Variants in CUBN observed in about 807,000 individuals in gnomAD.
CUBN encodes the protein cubilin.
A neutral mutation model predicts 405.3 loss-of-function variants in CUBN; 282 were observed. The ratio of observed to expected loss-of-function variants is 0.70; its 90% CI spans 0.63 to 0.77. The LOEUF (loss-of-function observed/expected upper bound fraction) is 0.77, where lower values mean the gene tolerates loss of function less well. Among genes scored for constraint, CUBN ranks in the 30% least tolerant of loss-of-function variants. The pLI, the probability that CUBN is intolerant of heterozygous loss-of-function variation, is 0.00. For missense variants in CUBN, 4,514 were observed against 4,475.2 expected, an observed-to-expected ratio of 1.01 and a Z score of -0.25; for synonymous variants, 1,684 against 1,617.0, an observed-to-expected ratio of 1.04 and a Z score of -0.99.
intron 27 of CUBN, among the ~76,000 whole-genome samples, chr10:17,025,331 T>C (rs1045741369): frequency 6.6e-6 from 1 of 152,206 alleles, no homozygotes; most frequent in African/African-American, 2.4e-5. Context: ...GCAATTTTAT[T>C]GTAGAATGTA....
chr10:17,100,591 T>C (rs1267179370), intron 13 of CUBN, among the ~76,000 whole-genome samples: 1 of 152,202 alleles, frequency 6.6e-6, no homozygotes, highest in Non-Finnish European at 1.5e-5. Flanking sequence ...AAAATCTACC[T>C]GAATTAAGTT....
chr10:16,920,067 A>G lies in CUBN; in HGVS notation c.6717T>C (p.His2239=), dbSNP rs373318259. ...AGYVTSPNHP[H]NYPPHADCIW... ...TGCAATCAGCGTGCGGGGGATAATT[A>G]TGAGGGTGGTTGGGGGAGGTCACAT... The change falls in exon 44 of 67, where the codon CAT becomes CAC. Residue 2239 remains histidine (H), a synonymous_variant. Coordinates refer to ENST00000377833, the MANE Select transcript of CUBN (RefSeq NM_001081.4). 6.2e-7 allele frequency: 1 copy of G among 1,613,938 alleles called. No individual in the cohort carries two copies. Among genetic ancestry groups the G allele is most frequent in the Non-Finnish European group, 8.5e-7 (1 of 1,179,978 alleles).
At chr10:16,865,547 G>A (rs1165959603) in intron 59 of CUBN, among the ~76,000 whole-genome samples, 1 of 152,054 alleles carries the variant, frequency 6.6e-6, no homozygotes, top group African/African-American at 2.4e-5. Context: ...GTGGGGACTT[G>A]GAGAACTTTT....
chr10:16,985,568 T>A (rs1833393506), intron 29 of CUBN, among the ~76,000 whole-genome samples: 1 of 152,106 alleles, frequency 6.6e-6, no homozygotes, highest in African/African-American at 2.4e-5. Flanking sequence ...GAGCCCTCTG[T>A]GGATGGCAGA....
rs1834549862 is a variant in CUBN, at chr10:17,023,223, G to GT, written c.4018-3241dup. 2.6e-5 allele frequency among the ~76,000 whole-genome samples: 4 copies of GT among 151,234 alleles called. No individual in the cohort carries two copies. The South Asian group carries it at 8.4e-4, about 32-fold the overall frequency. The stretch of plus-strand genomic sequence containing the variant: ...TGGGGGTGGAGGGGCTAGGCAGTAG[G>GT]TTTGGGGGGCAACACTGATGAATGA... On this transcript the variant is annotated intron_variant, in intron 27 of 66. Coordinates refer to ENST00000377833, the MANE Select transcript of CUBN (RefSeq NM_001081.4).
intron 59 of CUBN, among the ~76,000 whole-genome samples, chr10:16,858,434 C>A (rs1169124774): frequency 6.6e-6 from 1 of 152,142 alleles, no homozygotes; most frequent in Admixed American, 6.5e-5. Context: ...GATCCTCCTA[C>A]CTCAGCCTCC....
Position 16,891,122 on chromosome 10 carries a change from C to G in CUBN, c.8599-595G>C, listed in dbSNP as rs77682438. 2.5e-3 allele frequency among the ~76,000 whole-genome samples: 382 copies of G among 152,240 alleles called. 2 individuals carry two copies. The highest frequency in any genetic ancestry group is 8.9e-3 in the African/African-American group (369 of 41,532). The stretch of plus-strand genomic sequence containing the variant: ...TCACCAAAAATTTGGTTGGCAACTC[C>G]CAAGTAGACCTGGGCTGTCACTTAA... On this transcript the variant is annotated intron_variant, in intron 54 of 66. Transcript: ENST00000377833.
At chr10:17,125,235 T>C (rs1377720525) in intron 4 of CUBN, among the ~76,000 whole-genome samples, 2 of 152,002 alleles carry the variant, frequency 1.3e-5, no homozygotes, top group African/African-American at 4.8e-5. Context: ...TGTCTATATA[T>C]ATGCACATAC....
At chr10:16,966,194 C>T (rs574850903) in intron 31 of CUBN, among the ~76,000 whole-genome samples, 39 of 152,290 alleles carry the variant, frequency 2.6e-4, no homozygotes, top group African/African-American at 8.9e-4. Context: ...CGTGGCTTTC[C>T]AAGTGGTTGG....
At chr10:17,124,901 A>T (rs2356828) in intron 4 of CUBN, among the ~76,000 whole-genome samples, 1 of 151,890 alleles carries the variant, frequency 6.6e-6, no homozygotes, top group South Asian at 2.1e-4. Flanking sequence ...GTATGATCTC[A>T]GCTCACTGCA....
intron 62 of CUBN, among the ~76,000 whole-genome samples, chr10:16,836,883 T>C (rs1193341769): frequency 3.9e-5 from 6 of 152,142 alleles, no homozygotes; most frequent in African/African-American, 1.4e-4. Context: ...GGTTCCCCTT[T>C]GTAACACTAG....
chr10:17,077,586 C>T (rs190603396), intron 17 of CUBN, among the ~76,000 whole-genome samples: 24 of 152,308 alleles, frequency 1.6e-4, no homozygotes, highest in African/African-American at 4.8e-4. Flanking sequence ...CTGGCACTTA[C>T]GCTTAGTCCA....
At chr10:16,997,888 G>A (rs1388862193) in intron 28 of CUBN, among the ~76,000 whole-genome samples, 2 of 152,234 alleles carry the variant, frequency 1.3e-5, no homozygotes, top group East Asian at 3.9e-4. Flanking sequence ...CAAGGCCAAG[G>A]GTGGAGCTCC....
chr10:17,121,866 C>T (rs1469128317), intron 6 of CUBN: 4 of 152,060 alleles, frequency 2.6e-5, no homozygotes, highest in Admixed American at 6.5e-5. Context: ...GATTCTACTC[C>T]AGAGCATTGA....
chr10:17,108,478 A>G (rs936621803), intron 10 of CUBN, among the ~76,000 whole-genome samples: 13 of 152,190 alleles, frequency 8.5e-5, no homozygotes, highest in Non-Finnish European at 1.8e-4. Context: ...TAAAGGTGGT[A>G]TCTTGAAATA....
chr10:16,919,813 G>A (rs1189382947), intron 44 of CUBN, 150 bp downstream of exon 44: 3 of 862,740 alleles, frequency 3.5e-6, no homozygotes, highest in African/African-American at 3.3e-5. Flanking sequence ...CTGGCCGACT[G>A]TGTTTTCAGG....
chr10:16,855,105 C>T (rs943853219), intron 59 of CUBN, among the ~76,000 whole-genome samples: 9 of 126,576 alleles, frequency 7.1e-5, no homozygotes, highest in African/African-American at 2.6e-4. Context: ...CCTTCCCTTC[C>T]TTCCTTCCTT....
Position 17,069,377 on chromosome 10 carries a change from T to C in CUBN, c.2626-607A>G, listed in dbSNP as rs138607466. ...AGTAGAATTGCTGGATCAGATAGTA[T>C]CTCTATGTTTAACTTTTTGAGGAAC... On this transcript the variant is annotated intron_variant, in intron 19 of 66. Coordinates refer to ENST00000377833, the MANE Select transcript of CUBN (RefSeq NM_001081.4). 4.6e-3 allele frequency among the ~76,000 whole-genome samples: 702 copies of C among 152,328 alleles called. 6 individuals carry two copies. Among genetic ancestry groups the C allele is most frequent in the African/African-American group, 0.016 (664 of 41,574 alleles).
At chr10:16,872,558 C>T (rs768926416) in intron 58 of CUBN, among the ~76,000 whole-genome samples, 7 of 152,048 alleles carry the variant, frequency 4.6e-5, no homozygotes, top group Non-Finnish European at 1.0e-4. Flanking sequence ...TATAAGAGGC[C>T]CTTCCAGCTC....
Sources: gnomAD v4.1 joint callset for allele counts (sites outside exome capture counted in the v4.1 genomes callset) on GRCh38, gnomAD v4.1.1 for gene constraint, MANE v1.5 for transcripts, NCBI Gene and HGNC (gene_info 2026-07-23, HGNC 2026-07-21) for gene names.